The following MLLT3 variants were observed in gnomAD, a reference collection of about 807,000 sequenced individuals.
MLLT3 encodes protein AF-9.
MLLT3 carries 4 observed loss-of-function variants against 53.2 expected under a neutral mutation model. That is an observed-to-expected ratio of 0.08 (90% CI 0.04 to 0.17). MLLT3 has a LOEUF of 0.17. MLLT3 is among the 10% of genes least tolerant of loss of function. The pLI is 1.00. For synonymous variants in MLLT3, 283 were observed against 230.6 expected (o/e 1.23, Z -2.06); for missense variants, 569 against 684.0 (o/e 0.83, Z 1.87).
chr9:20,590,875 G>A (rs903266583), intron 2 of MLLT3, among the ~76,000 whole-genome samples: 1 of 151,900 alleles, frequency 6.6e-6, no homozygotes, highest in South Asian at 2.1e-4. Flanking sequence ...AGTTGGGATG[G>A]ATGATGGACA....
chr9:20,484,945 A>G (rs904037317), intron 2 of MLLT3, among the ~76,000 whole-genome samples: 1 of 152,028 alleles, frequency 6.6e-6, no homozygotes, highest in South Asian at 2.1e-4. Flanking sequence ...TCAAATTTAC[A>G]TAAGTCCCCT....
At chr9:20,600,234 C>T (rs1476615331) in intron 2 of MLLT3, among the ~76,000 whole-genome samples, 1 of 151,230 alleles carries the variant, frequency 6.6e-6, no homozygotes, top group Non-Finnish European at 1.5e-5. Context: ...TTCATAGCTT[C>T]ATAAAAGCAC....
At chr9:20,405,694 G>C (rs1822560694) in intron 5 of MLLT3, among the ~76,000 whole-genome samples, 1 of 152,212 alleles carries the variant, frequency 6.6e-6, no homozygotes, top group Non-Finnish European at 1.5e-5. Flanking sequence ...AAACCAGTTT[G>C]ATAAATTAAC....
chr9:20,393,196 T>A (rs1822231863), intron 5 of MLLT3, among the ~76,000 whole-genome samples: 1 of 152,130 alleles, frequency 6.6e-6, no homozygotes, highest in Non-Finnish European at 1.5e-5. Context: ...CATTGCATTC[T>A]CTAGTCAACC....
chr9:20,375,021 C>A (rs1014109863), intron 5 of MLLT3, among the ~76,000 whole-genome samples: 6 of 152,230 alleles, frequency 3.9e-5, no homozygotes, highest in Non-Finnish European at 7.3e-5. Flanking sequence ...TGTGAGGACA[C>A]AGCAAGAACG....
chr9:20,546,746 T>C (rs1008238846), intron 2 of MLLT3, among the ~76,000 whole-genome samples: 28 of 152,226 alleles, frequency 1.8e-4, no homozygotes, highest in African/African-American at 6.0e-4. Context: ...TCCAAGTCTT[T>C]ACCCTCTCTC....
intron 4 of MLLT3, among the ~76,000 whole-genome samples, chr9:20,420,180 T>C (rs1822973270): frequency 6.6e-6 from 1 of 152,146 alleles, no homozygotes; most frequent in Non-Finnish European, 1.5e-5. Flanking sequence ...CTTGAAAATA[T>C]AGGCAAAATT....
At chr9:20,412,661 T>C (rs532735658) in intron 5 of MLLT3, among the ~76,000 whole-genome samples, 2 of 152,334 alleles carry the variant, frequency 1.3e-5, no homozygotes, top group South Asian at 4.1e-4. Context: ...AGATTGCCAG[T>C]TATTTTTAGC....
intron 2 of MLLT3, among the ~76,000 whole-genome samples, chr9:20,475,624 C>T (rs1014563210): frequency 6.6e-6 from 1 of 152,078 alleles, no homozygotes; most frequent in Non-Finnish European, 1.5e-5. Flanking sequence ...GTATTTGGTG[C>T]ATTTGTTTAA....
At chr9:20,570,740 CAATACCGATTGTTCTTCTTTA>C (rs1457048343) in intron 2 of MLLT3, among the ~76,000 whole-genome samples, 3,935 of 152,188 alleles carry the variant, frequency 0.026, 185 homozygotes, top group African/African-American at 0.089. Context: ...AAATTCCTAG[CAATACCGATTGTTCTTCTTTA>C]AAAAGCAACC....
At chr9:20,399,666 T>C (rs1822406113) in intron 5 of MLLT3, among the ~76,000 whole-genome samples, 3 of 152,046 alleles carry the variant, frequency 2.0e-5, no homozygotes, top group South Asian at 2.1e-4. Flanking sequence ...CAAGGAATCA[T>C]GGATTGCTAA....
At position 20,621,009 on chromosome 9, in the gene MLLT3, A is replaced by C; in HGVS notation, c.13-175T>G. 4.0e-5 allele frequency: 31 copies of C among 777,444 alleles called. No homozygotes were observed. Among genetic ancestry groups the C allele is most frequent in the East Asian group, 8.2e-5 (3 of 36,600 alleles). 48.2% of individuals were successfully genotyped at this position (777,444 alleles called of 1,614,324 possible). ...GCGCGCACACTCCACACCCCCAAAT[A>C]TACCCGCCCGCCCGGCCCGGCTTGG... On this transcript the variant is annotated intron_variant, in intron 1 of 10. Coordinates refer to ENST00000380338, the MANE Select transcript of MLLT3 (RefSeq NM_004529.4). The surrounding 1 kb of genome is among the most constrained non-coding windows in gnomAD (Gnocchi z 7.0).
At chr9:20,543,733 G>A (rs1276847179) in intron 2 of MLLT3, among the ~76,000 whole-genome samples, 1 of 148,554 alleles carries the variant, frequency 6.7e-6, no homozygotes, top group Admixed American at 6.6e-5. Flanking sequence ...GAAGGAGGAA[G>A]GAGGAGGAGG....
intron 5 of MLLT3, among the ~76,000 whole-genome samples, chr9:20,406,368 C>T (rs1371775547): frequency 1.3e-5 from 2 of 152,176 alleles, no homozygotes; most frequent in Admixed American, 1.3e-4. Flanking sequence ...CATGCAGTGA[C>T]CGTACATAGG....
intron 4 of MLLT3, among the ~76,000 whole-genome samples, chr9:20,423,857 G>A (rs1034852362): frequency 8.6e-5 from 13 of 151,798 alleles, no homozygotes; most frequent in Admixed American, 5.3e-4. Context: ...AGCTACTCGC[G>A]AGGGGTGAGG....
chr9:20,394,643 C>T (rs571043167), intron 5 of MLLT3, among the ~76,000 whole-genome samples: 62 of 152,156 alleles, frequency 4.1e-4, no homozygotes, highest in Non-Finnish European at 7.9e-4. Context: ...TAACTTCCAC[C>T]ACAGAGATAT....
At chr9:20,459,427 T>G (rs1824054040) in intron 2 of MLLT3, among the ~76,000 whole-genome samples, 1 of 152,194 alleles carries the variant, frequency 6.6e-6, no homozygotes. Context: ...CTAAACGCAT[T>G]GAGCAGCCCC....
At chr9:20,473,567 T>G (rs989839208) in intron 2 of MLLT3, among the ~76,000 whole-genome samples, 1 of 152,050 alleles carries the variant, frequency 6.6e-6, no homozygotes, top group African/African-American at 2.4e-5. Context: ...TTTCTAAACA[T>G]CAGAGGCTAA....
chr9:20,508,909 T>C (rs567686009), intron 2 of MLLT3, among the ~76,000 whole-genome samples: 26 of 152,314 alleles, frequency 1.7e-4, no homozygotes, highest in South Asian at 1.0e-3. Context: ...ACCAAAAGAA[T>C]ATGGTATATG....
Sources: allele counts gnomAD v4.1 joint callset (sites outside exome capture counted in the v4.1 genomes callset), GRCh38; gene constraint gnomAD v4.1.1; non-coding constraint Gnocchi (gnomAD v3.1); transcripts MANE v1.5; gene names NCBI Gene and HGNC (gene_info 2026-07-23, HGNC 2026-07-21).